The following SNRPN variants were observed in gnomAD, a reference collection of about 807,000 sequenced individuals.
SNRPN encodes small nuclear ribonucleoprotein polypeptide N, also known as small nuclear ribonucleoprotein-associated protein N.
A neutral mutation model predicts 25.2 loss-of-function variants in SNRPN; 7 were observed. The observed-to-expected ratio is 0.28, with a 90% CI of 0.16 to 0.52. The LOEUF (loss-of-function observed/expected upper bound fraction) is 0.52. SNRPN is among the 20% of genes least tolerant of loss of function. The pLI is 0.96. For missense variants in SNRPN, 196 were observed against 322.5 expected (o/e 0.61, Z 3.00); for synonymous variants, 124 against 110.6 (o/e 1.12, Z -0.76).
At chr15:24,941,508 G>C (rs911404033) in intron 3 of SNRPN, among the ~76,000 whole-genome samples, 3 of 152,114 alleles carry the variant, frequency 2.0e-5, no homozygotes, top group Non-Finnish European at 4.4e-5. Flanking sequence ...ATTTCTGAAG[G>C]GTCTAGGCCA....
At chr15:24,868,062 G>A (rs143215909) in intron 1 of SNRPN, among the ~76,000 whole-genome samples, 174 of 151,798 alleles carry the variant, frequency 1.1e-3, no homozygotes, top group African/African-American at 3.8e-3. Context: ...CCATTTATTT[G>A]ATGAGGTATT....
At position 24,948,311 on chromosome 15, in the gene SNRPN, A is replaced by G. The variant is rs1030690355; in HGVS notation, c.-390-13803A>G. Among the ~76,000 whole-genome samples, 34 of 152,078 alleles carry G rather than the reference A, an allele frequency of 2.2e-4. No individual in the cohort carries two copies. In the East Asian group the frequency reaches 4.3e-3, roughly 19 times the overall value. On this transcript the variant is annotated intron_variant, in intron 3 of 11. Coordinates refer to the SNRPN transcript ENST00000400097. ...GTATTTTTAGTATAGACGGGGTTTC[A>G]TCATGTTGGCCAGGATGGTCTGAAT... is the stretch of plus-strand genomic sequence containing the variant.
At chr15:24,884,050 G>A (rs1235792505) in intron 1 of SNRPN, among the ~76,000 whole-genome samples, 3 of 146,278 alleles carry the variant, frequency 2.1e-5, no homozygotes, top group Non-Finnish European at 3.0e-5. Flanking sequence ...GGTGGCTCAC[G>A]CCTGTAATCC....
rs371808119 is a variant in SNRPN at position 24,962,217 on chromosome 15, C to G, written c.-295+8C>G. 3.2e-5 allele frequency: 51 copies of G among 1,610,046 alleles called. No homozygotes were observed. The African/African-American group carries it at 5.4e-4, about 17-fold the overall frequency. ...CTCACTGAGCAACCAAGAGTGAGTA[C>G]AGACTGTGTTGGGAACAAATGCAAG... On this transcript the variant is annotated splice_region_variant and intron_variant, in intron 2 of 9. Coordinates refer to ENST00000390687, the MANE Select transcript of SNRPN (RefSeq NM_003097.6).
chr15:24,896,522 G>C lies in SNRPN; in HGVS notation c.-505+9933G>C, dbSNP rs898326207. ...TCAGGAGATCGAGACCCCCCCGCCG[G>C]CTAACACGGTGAAACCTCATCTCTA... On this transcript the variant is annotated intron_variant, in intron 2 of 11. Coordinates refer to the SNRPN transcript ENST00000400097. 2.0e-5 allele frequency among the ~76,000 whole-genome samples: 3 copies of C among 151,990 alleles called. No homozygotes were observed. The South Asian group carries it at 6.2e-4, about 32-fold the overall frequency.
intron 3 of SNRPN, among the ~76,000 whole-genome samples, chr15:24,973,532 G>A (rs972761447): frequency 6.6e-6 from 1 of 151,958 alleles, no homozygotes; most frequent in African/African-American, 2.4e-5. Context: ...CAAGTAGCTG[G>A]GATTACAGGC....
chr15:24,824,002 A>G (rs978986940), intron 1 of SNRPN, among the ~76,000 whole-genome samples: 1 of 152,120 alleles, frequency 6.6e-6, no homozygotes, highest in Non-Finnish European at 1.5e-5. Flanking sequence ...TTCGAAATAC[A>G]TATTTAATTA....
intron 2 of SNRPN, among the ~76,000 whole-genome samples, chr15:24,966,741 A>T (rs952704334): frequency 1.3e-5 from 2 of 152,180 alleles, no homozygotes; most frequent in Admixed American, 6.5e-5. Flanking sequence ...ATTCTTTATT[A>T]TACAGAAGCA....
intron 1 of SNRPN, among the ~76,000 whole-genome samples, chr15:24,825,008 C>T (rs2049975460): frequency 1.3e-5 from 2 of 152,118 alleles, no homozygotes; most frequent in South Asian, 4.1e-4. Context: ...GTAATGAAAT[C>T]CTCAATCTTA....
Position 24,976,969 on chromosome 15 carries a change from TC to T in SNRPN, c.364del (p.Gln122ArgfsTer20). The T allele has an allele frequency of 6.2e-7, 1 of 1,604,968 alleles. No homozygotes were observed. The highest frequency in any genetic ancestry group is 8.5e-7 in the Non-Finnish European group (1 of 1,176,574). On this transcript the variant is annotated frameshift_variant, in exon 7 of 10. Coordinates refer to ENST00000390687, the MANE Select transcript of SNRPN (RefSeq NM_003097.6). LOFTEE classifies it high-confidence loss of function. ...GRGVPAGVPIPQAPAGLAGPV... is the reference protein window; with the variant it reads ...GRGVPAGVPIXQAPAGLAGPV... ...GAGGAGTACCAGCTGGTGTGCCAAT[TC>T]CCCAGGCCCCTGCTGGATTGGCAGG...
At chr15:24,878,500 C>T (rs1428485252) in intron 1 of SNRPN, among the ~76,000 whole-genome samples, 3 of 152,222 alleles carry the variant, frequency 2.0e-5, no homozygotes, top group Non-Finnish European at 4.4e-5. Flanking sequence ...AGGGTCTGTT[C>T]CGCTTATGGC....
At chr15:24,904,891 C>T (rs1242969411) in intron 2 of SNRPN, among the ~76,000 whole-genome samples, 4 of 145,868 alleles carry the variant, frequency 2.7e-5, no homozygotes, top group East Asian at 4.2e-4. Context: ...TGCAGTGAGC[C>T]GAGATCGCGC....
At chr15:24,960,934 G>C (rs1033738057) in intron 1 of SNRPN, among the ~76,000 whole-genome samples, 1 of 152,034 alleles carries the variant, frequency 6.6e-6, no homozygotes, top group Non-Finnish European at 1.5e-5. Flanking sequence ...AAGTTTCTTT[G>C]CCTCTCCCTA....
intron 1 of SNRPN, among the ~76,000 whole-genome samples, chr15:24,827,237 G>C (rs941674160): frequency 6.6e-6 from 1 of 151,926 alleles, no homozygotes; most frequent in Admixed American, 6.6e-5. Flanking sequence ...GTATGCAGCC[G>C]GGCGCGGTGG....
chr15:24,972,607 G>T (rs1407287291), intron 3 of SNRPN, among the ~76,000 whole-genome samples: 1 of 146,286 alleles, frequency 6.8e-6, no homozygotes, highest in African/African-American at 2.5e-5. Flanking sequence ...GCAATGGTGC[G>T]ATCTCCGCTC....
At chr15:24,936,331 CAGAA>C (rs1209290278) in intron 3 of SNRPN, among the ~76,000 whole-genome samples, 1 of 152,240 alleles carries the variant, frequency 6.6e-6, no homozygotes, top group East Asian at 1.9e-4. Context: ...TGTTAATTTT[CAGAA>C]AGCCCATGTT....
In SNRPN at chr15:24,978,659, T is replaced by C. The variant is rs2077328979; in HGVS notation, c.*215T>C. 1.0e-5 allele frequency: 6 copies of C among 590,016 alleles called. No individual in the cohort carries two copies. The highest frequency in any genetic ancestry group is 4.4e-4 in the Middle Eastern group (1 of 2,270). The allele number at this position is 590,016 out of a possible 1,614,324, so 36.5% of individuals were successfully genotyped here. A position where few individuals can be genotyped will look rare whatever the true frequency, so the allele number is the denominator to read the frequency against. ...TTACTGTGGATGAGGGTGATGCCTATTAAGCAGTTGATTCAAATCATATTC... is the reference window on the plus strand; with the variant it reads ...TTACTGTGGATGAGGGTGATGCCTACTAAGCAGTTGATTCAAATCATATTC... On this transcript the variant is annotated 3_prime_UTR_variant, in exon 10 of 10. Transcript: ENST00000390687.
intron 2 of SNRPN, among the ~76,000 whole-genome samples, chr15:24,902,152 G>T (rs1182348409): frequency 2.6e-5 from 4 of 152,168 alleles, no homozygotes; most frequent in African/African-American, 9.7e-5. Context: ...GTTCTTTGTT[G>T]CATGTGGTAG....
chr15:24,962,267 C>T lies in SNRPN; in HGVS notation c.-295+58C>T. ...GTCAGAATCTCCTTTCAGATTAGAA[C>T]AAAATATCATGCAATGAGGGGATTA... On this transcript the variant is annotated intron_variant, in intron 2 of 9. Coordinates refer to ENST00000390687, the MANE Select transcript of SNRPN (RefSeq NM_003097.6). 12 of 1,373,322 alleles carry T rather than the reference C, an allele frequency of 8.7e-6. No homozygotes were observed. In the South Asian group the frequency reaches 1.4e-4, roughly 16 times the overall value. The allele number at this position is 1,373,322 out of a possible 1,614,324, so 85.1% of individuals were successfully genotyped here. A position where few individuals can be genotyped will look rare whatever the true frequency, so the allele number is the denominator to read the frequency against.
Sources: gnomAD v4.1 joint callset for allele counts (sites outside exome capture counted in the v4.1 genomes callset) on GRCh38, gnomAD v4.1.1 for gene constraint, MANE v1.5 for transcripts, NCBI Gene and HGNC (gene_info 2026-07-23, HGNC 2026-07-21) for gene names.